The following AP1B1 variants were observed in gnomAD, a reference collection of about 807,000 sequenced individuals.
AP1B1 encodes the protein adaptor related protein complex 1 subunit beta 1.
Under a neutral mutation model 104.3 loss-of-function variants are expected in AP1B1, and 36 were observed. That is an observed-to-expected ratio of 0.35 (90% CI 0.26 to 0.46). The LOEUF (loss-of-function observed/expected upper bound fraction) is 0.46, where lower values mean the gene tolerates loss of function less well. Ranked by LOEUF, AP1B1 falls within the 20% of genes least tolerant of loss-of-function variation. AP1B1 has a pLI of 1.00. For synonymous variants in AP1B1, 504 were observed against 517.5 expected, an observed-to-expected ratio of 0.97 and a Z score of 0.35; for missense variants, 901 against 1,247.9, an observed-to-expected ratio of 0.72 and a Z score of 4.19.
rs1203541395 is a variant in AP1B1, at chr22:29,351,831, G to A, written c.939-6C>T. Reference sequence around the variant, plus strand: ...CATGCTTCAGGATCTCAGGCCTGGTGGTGGGGCAGGATGCCCGGAGAGCAA... The same window carrying A: ...CATGCTTCAGGATCTCAGGCCTGGTAGTGGGGCAGGATGCCCGGAGAGCAA... On this transcript the variant is annotated splice_region_variant and splice_polypyrimidine_tract_variant and intron_variant, in intron 7 of 22. Coordinates refer to ENST00000357586, the MANE Select transcript of AP1B1 (RefSeq NM_001127.4). 4 of 1,614,060 alleles carry A rather than the reference G, an allele frequency of 2.5e-6. No homozygotes were observed. In the Admixed American group the frequency reaches 6.7e-5, roughly 27 times the overall value.
intron 1 of AP1B1, among the ~76,000 whole-genome samples, chr22:29,372,087 C>T (rs1403426265): frequency 6.6e-6 from 1 of 152,108 alleles, no homozygotes; most frequent in Non-Finnish European, 1.5e-5. Context: ...GATGTCACAT[C>T]CCAGAAACAG....
Position 29,328,815 on chromosome 22 carries a change from G to T in AP1B1, c.*6C>A. 6.2e-7 allele frequency: 1 copy of T among 1,603,262 alleles called. No individual in the cohort carries two copies. The highest frequency in any genetic ancestry group is 2.2e-5 in the East Asian group (1 of 44,574). On this transcript the variant is annotated 3_prime_UTR_variant, in exon 23 of 23. Transcript: ENST00000357586. The surrounding 1 kb of genome is among the most constrained non-coding windows in gnomAD (Gnocchi z 4.1). ...CAGAAGGCTGGGGTGGGCGCTGGCCGGGGTCTCAGTTCTTGAGGATGGTCT... is the reference window on the plus strand; with the variant it reads ...CAGAAGGCTGGGGTGGGCGCTGGCCTGGGTCTCAGTTCTTGAGGATGGTCT...
At chr22:29,359,487 G>A (rs2062011022) in intron 4 of AP1B1, among the ~76,000 whole-genome samples, 1 of 152,250 alleles carries the variant, frequency 6.6e-6, no homozygotes, top group Non-Finnish European at 1.5e-5. Flanking sequence ...ACAGAAAATG[G>A]AGAAAGCAGC....
chr22:29,329,825 C>A, intron 21 of AP1B1, 105 bp from the exon 22 acceptor site: 1 of 1,568,024 alleles, frequency 6.4e-7, no homozygotes, highest in Non-Finnish European at 8.7e-7. Flanking sequence ...CCGACCAGCA[C>A]TGCCAGCAGG....
Position 29,351,319 on chromosome 22 carries a change from T to C in AP1B1, c.1060-53A>G, listed in dbSNP as rs763818555. 3.8e-6 allele frequency: 6 copies of C among 1,571,152 alleles called. 1 individual carries two copies. In the South Asian group the frequency reaches 6.7e-5, roughly 17 times the overall value. Reference sequence around the variant, plus strand: ...TGGGGCACCTGATGGGGCAATCTGCTGGAACACTCCTGGGCAGTGAATATA... The same window carrying C: ...TGGGGCACCTGATGGGGCAATCTGCCGGAACACTCCTGGGCAGTGAATATA... On this transcript the variant is annotated intron_variant, in intron 8 of 22. Transcript: ENST00000357586.
At position 29,331,777 on chromosome 22, in the gene AP1B1, C is replaced by A; in HGVS notation, c.2439+10G>T. 6.2e-7 allele frequency: 1 copy of A among 1,614,172 alleles called. No homozygotes were observed. The highest frequency in any genetic ancestry group is 8.5e-7 in the Non-Finnish European group (1 of 1,180,030). Reference sequence around the variant, plus strand: ...TAAGGACTGGGGTGCCTGCCCTGCCCGGAACCCACCTGGAGGTTGTTCAGA... The same window carrying A: ...TAAGGACTGGGGTGCCTGCCCTGCCAGGAACCCACCTGGAGGTTGTTCAGA... On this transcript the variant is annotated intron_variant, in intron 18 of 22. Coordinates refer to ENST00000357586, the MANE Select transcript of AP1B1 (RefSeq NM_001127.4).
intron 17 of AP1B1, 89 bp from the exon 18 acceptor site, chr22:29,332,005 G>A (rs2061568781): frequency 2.2e-6 from 3 of 1,359,716 alleles, no homozygotes; most frequent in Middle Eastern, 2.6e-4. Context: ...AGCTGGGGCT[G>A]TGGTTGGCAG....
At chr22:29,373,984 G>A (rs1383346125) in intron 1 of AP1B1, among the ~76,000 whole-genome samples, 1 of 150,534 alleles carries the variant, frequency 6.6e-6, no homozygotes, top group African/African-American at 2.4e-5. Flanking sequence ...GATCACCTGA[G>A]GTCAGGAGTT....
At position 29,358,592 on chromosome 22, in the gene AP1B1, A is replaced by G. The variant is rs906304738; in HGVS notation, c.525+134T>C. The G allele has an allele frequency of 2.2e-5, 27 of 1,250,766 alleles. No homozygotes were observed. In the Admixed American group the frequency reaches 2.4e-4, roughly 11 times the overall value. The allele number at this position is 1,250,766 out of a possible 1,614,324, so 77.5% of individuals were successfully genotyped here. On this transcript the variant is annotated intron_variant, in intron 5 of 22. Coordinates refer to ENST00000357586, the MANE Select transcript of AP1B1 (RefSeq NM_001127.4). ...GAGGGTGCCTGAACCACCAAAAGGC[A>G]CAAGAACAACTGGCACCCCCAGCCA...
At chr22:29,331,959 T>C (rs762744366) in intron 17 of AP1B1, 43 bp from the exon 18 acceptor site, 1 of 1,575,754 alleles carries the variant, frequency 6.3e-7, no homozygotes, top group South Asian at 1.1e-5. Context: ...GGGGAGTAGG[T>C]GCTGATGCGG....
At chr22:29,345,049 A>C (rs2061771171) in intron 11 of AP1B1, among the ~76,000 whole-genome samples, 1 of 152,058 alleles carries the variant, frequency 6.6e-6, no homozygotes, top group Non-Finnish European at 1.5e-5. Context: ...CCAAATCGTC[A>C]AGCACTAAAC....
At position 29,341,483 on chromosome 22, in the gene AP1B1, C is replaced by T. The variant is rs1238210250; in HGVS notation, c.1796+18G>A. The T allele has an allele frequency of 6.2e-7, 1 of 1,603,426 alleles. No individual in the cohort carries two copies. Among genetic ancestry groups the T allele is most frequent in the Non-Finnish European group, 8.5e-7 (1 of 1,171,918 alleles). The stretch of plus-strand genomic sequence containing the variant: ...AGCAGAGTGTGAAGGCGCAGGCCGA[C>T]TGGCCAGTCTCACTCACGAGGCCGT... On this transcript the variant is annotated intron_variant, in intron 13 of 22. Coordinates refer to ENST00000357586, the MANE Select transcript of AP1B1 (RefSeq NM_001127.4).
chr22:29,371,168 T>C (rs377576658), intron 1 of AP1B1, among the ~76,000 whole-genome samples: 6 of 152,198 alleles, frequency 3.9e-5, no homozygotes, highest in African/African-American at 1.4e-4. Context: ...CCTTTCTCCA[T>C]TGTGAGCACC....
intron 12 of AP1B1, 81 bp from the exon 13 acceptor site, chr22:29,341,841 G>C: frequency 6.7e-7 from 1 of 1,497,232 alleles, no homozygotes; most frequent in East Asian, 2.3e-5. Context: ...CCATGAGCCA[G>C]GTGCGGCACA....
At chr22:29,348,356 C>T (rs995301220) in intron 11 of AP1B1, among the ~76,000 whole-genome samples, 14 of 152,230 alleles carry the variant, frequency 9.2e-5, no homozygotes, top group Non-Finnish European at 1.5e-4. Context: ...ATGTTTTTCA[C>T]ATTTTTGAGC....
chr22:29,339,775 C>T lies in AP1B1; in HGVS notation c.1999-1G>A. ...ATACCCCTTCAGGCTCATCCCCCAT[C>T]TCCAAGCAGAAGCAGGCAGGTGAAG... On this transcript the variant is annotated splice_acceptor_variant, in intron 14 of 22. Coordinates refer to ENST00000357586, the MANE Select transcript of AP1B1 (RefSeq NM_001127.4). LOFTEE classifies it high-confidence loss of function. 1 of 1,607,922 alleles carries T rather than the reference C, an allele frequency of 6.2e-7. No individual in the cohort carries two copies. Among genetic ancestry groups the T allele is most frequent in the South Asian group, 1.1e-5 (1 of 89,976 alleles).
chr22:29,347,951 A>T (rs146573434), intron 11 of AP1B1, among the ~76,000 whole-genome samples: 136 of 152,346 alleles, frequency 8.9e-4, no homozygotes, highest in Non-Finnish European at 1.4e-3. Flanking sequence ...ACACCTAAAT[A>T]CCCACCAGGA....
At chr22:29,330,569 C>A in intron 20 of AP1B1, 37 bp from the exon 21 acceptor site, 1 of 1,612,274 alleles carries the variant, frequency 6.2e-7, no homozygotes, top group Non-Finnish European at 8.5e-7. Flanking sequence ...CCCCAGTCAG[C>A]GCGGGGGCCT....
At position 29,327,798 on chromosome 22, in the gene AP1B1, C is replaced by T. The variant is rs556219481; in HGVS notation, c.*1023G>A. On this transcript the variant is annotated 3_prime_UTR_variant, in exon 23 of 23. Coordinates refer to ENST00000357586, the MANE Select transcript of AP1B1 (RefSeq NM_001127.4). ...CGTAGGGTCAGAAAACCATCCCCAA[C>T]CACTCGGAGGCAGCTTTCAATCCTG... 1 of 152,280 alleles carries T rather than the reference C, an allele frequency of 6.6e-6. No homozygotes were observed. The highest frequency in any genetic ancestry group is 1.5e-5 in the Non-Finnish European group (1 of 68,022). The allele number at this position is 152,280 out of a possible 1,614,324, so 9.4% of individuals were successfully genotyped here.
Sources: allele counts gnomAD v4.1 joint callset (sites outside exome capture counted in the v4.1 genomes callset), GRCh38; gene constraint gnomAD v4.1.1; non-coding constraint Gnocchi (gnomAD v3.1); transcripts MANE v1.5; gene names NCBI Gene and HGNC (gene_info 2026-07-23, HGNC 2026-07-21).